SNX30: variants seen among roughly 807,000 people sequenced by gnomAD.
SNX30 encodes sorting nexin family member 30, also known as sorting nexin-30.
Under a neutral mutation model 46.4 loss-of-function variants are expected in SNX30, and 24 were observed. That is an observed-to-expected ratio of 0.52 (90% CI 0.37 to 0.73). The LOEUF (loss-of-function observed/expected upper bound fraction) is 0.73. Ranked by LOEUF, SNX30 falls within the 30% of genes least tolerant of loss-of-function variation. The pLI, the probability that SNX30 is intolerant of heterozygous loss-of-function variation, is 0.00. For missense variants in SNX30, 533 were observed against 555.7 expected (o/e 0.96, Z 0.41); for synonymous variants, 189 against 211.5 (o/e 0.89, Z 0.92).
chr9:112,867,474 C>T (rs115205063), intron 8 of SNX30, among the ~76,000 whole-genome samples: 2,443 of 151,098 alleles, frequency 0.016, 37 homozygotes, highest in East Asian at 0.079. Flanking sequence ...CTCCTCCCAC[C>T]TCAGTATTCC....
chr9:112,779,566 G>C (rs1233387281), intron 1 of SNX30, among the ~76,000 whole-genome samples: 1 of 152,112 alleles, frequency 6.6e-6, no homozygotes, highest in Admixed American at 6.5e-5. Context: ...ATCGTGGGAG[G>C]TGCCTGTAGT....
At chr9:112,876,375 G>A (rs190783116), downstream of SNX30, among the ~76,000 whole-genome samples, 6 of 152,184 alleles carry the variant, frequency 3.9e-5, no homozygotes, top group African/African-American at 1.4e-4. Flanking sequence ...AGCACTTTGG[G>A]AGGCCACAGC....
At chr9:112,757,427 A>G (rs1183268120) in intron 1 of SNX30, among the ~76,000 whole-genome samples, 2 of 152,190 alleles carry the variant, frequency 1.3e-5, no homozygotes, top group Non-Finnish European at 2.9e-5. Flanking sequence ...TTGTTTCTAT[A>G]TCTTGGCTAT....
At chr9:112,783,208 G>A (rs1436167856) in intron 1 of SNX30, among the ~76,000 whole-genome samples, 1 of 152,244 alleles carries the variant, frequency 6.6e-6, no homozygotes, top group Non-Finnish European at 1.5e-5. Flanking sequence ...TGGCGCCATG[G>A]AGGCAGACGG....
chr9:112,763,623 G>A (rs988519519), intron 1 of SNX30, among the ~76,000 whole-genome samples: 4 of 151,882 alleles, frequency 2.6e-5, no homozygotes, highest in African/African-American at 7.2e-5. Flanking sequence ...GGCCGAGGAG[G>A]GTGGATCACG....
At chr9:112,785,302 ACCT>A (rs986539944) in intron 1 of SNX30, among the ~76,000 whole-genome samples, 1 of 150,400 alleles carries the variant, frequency 6.6e-6, no homozygotes, top group Non-Finnish European at 1.5e-5. Context: ...TGCAGCCTCG[ACCT>A]CCTGGGCTTA....
intron 7 of SNX30, among the ~76,000 whole-genome samples, chr9:112,859,465 G>A (rs1841193041): frequency 6.6e-6 from 1 of 152,116 alleles, no homozygotes; most frequent in Non-Finnish European, 1.5e-5. Context: ...CTTTGGATAT[G>A]TACTCAGAAG....
At position 112,765,749 on chromosome 9, in the gene SNX30, A is replaced by T. The variant is rs573145441; in HGVS notation, c.156+14592A>T. Among the ~76,000 whole-genome samples, 80 of 152,334 alleles carry T rather than the reference A, an allele frequency of 5.3e-4. 1 individual carries two copies. The highest frequency in any genetic ancestry group is 2.5e-3 in the Admixed American group (39 of 15,310). On this transcript the variant is annotated intron_variant, in intron 1 of 8. Coordinates refer to ENST00000374232, the MANE Select transcript of SNX30 (RefSeq NM_001012994.2). The stretch of plus-strand genomic sequence containing the variant: ...TGATTACCACAATTAAGCTAGCTAA[A>T]CATATCCATCACCTCACATAATTGC...
intron 2 of SNX30, among the ~76,000 whole-genome samples, chr9:112,806,636 C>T (rs1397668856): frequency 1.3e-5 from 2 of 152,090 alleles, no homozygotes; most frequent in African/African-American, 4.8e-5. Flanking sequence ...TTCTTCATCT[C>T]TTATTGGATG....
upstream of SNX30, among the ~76,000 whole-genome samples, chr9:112,749,767 T>C (rs937009671): frequency 3.3e-5 from 5 of 152,236 alleles, no homozygotes; most frequent in African/African-American, 1.2e-4. Context: ...AGAGTCAACA[T>C]CTGTCATCAC....
At chr9:112,820,903 A>AT (rs1440201124) in intron 3 of SNX30, among the ~76,000 whole-genome samples, 5 of 152,194 alleles carry the variant, frequency 3.3e-5, no homozygotes, top group Non-Finnish European at 7.3e-5. Flanking sequence ...TAGTTTATGG[A>AT]TAATACCACA....
rs1554757339 is a variant in SNX30 at position 112,865,659 on chromosome 9, A to AATGTG, written c.1254+1260_1254+1261insATGTG. On this transcript the variant is annotated intron_variant, in intron 8 of 8. Coordinates refer to ENST00000374232, the MANE Select transcript of SNX30 (RefSeq NM_001012994.2). ...TATATATATATATATATATATATAT[A>AATGTG]TATGTATGTATGTATGCACACACAC... Among the ~76,000 whole-genome samples the AATGTG allele has an allele frequency of 2.5e-5, 2 of 79,698 alleles. 1 individual carries two copies. Among genetic ancestry groups the AATGTG allele is most frequent in the African/African-American group, 1.1e-4 (2 of 18,896 alleles). 52.3% of individuals were successfully genotyped at this position (79,698 alleles called of 152,430 possible).
downstream of SNX30, chr9:112,877,762 C>G (rs1841534418): frequency 2.0e-5 from 3 of 152,068 alleles, no homozygotes; most frequent in South Asian, 6.2e-4. Context: ...CTCTCTCACC[C>G]AGGCAGGGGT....
intron 1 of SNX30, among the ~76,000 whole-genome samples, chr9:112,789,670 A>G (rs1433335230): frequency 1.3e-5 from 2 of 152,212 alleles, no homozygotes; most frequent in African/African-American, 4.8e-5. Context: ...AATCATAAGA[A>G]TGTCTGGAGA....
At chr9:112,861,728 G>C (rs964285158) in intron 7 of SNX30, among the ~76,000 whole-genome samples, 1 of 152,138 alleles carries the variant, frequency 6.6e-6, no homozygotes, top group African/African-American at 2.4e-5. Flanking sequence ...CAATTCCTGC[G>C]GTGGGTCCTG....
At chr9:112,787,095 T>C (rs916100075) in intron 1 of SNX30, among the ~76,000 whole-genome samples, 9 of 152,186 alleles carry the variant, frequency 5.9e-5, no homozygotes, top group African/African-American at 2.2e-4. Context: ...TGGAAGGCCA[T>C]CTGTACTTTT....
intron 1 of SNX30, among the ~76,000 whole-genome samples, chr9:112,783,216 C>T (rs1301747976): frequency 6.6e-6 from 1 of 152,192 alleles, no homozygotes; most frequent in Non-Finnish European, 1.5e-5. Flanking sequence ...TGGAGGCAGA[C>T]GGTGAAGGGC....
intron 1 of SNX30, among the ~76,000 whole-genome samples, chr9:112,782,175 T>G (rs1318687329): frequency 1.3e-5 from 2 of 151,948 alleles, no homozygotes; most frequent in Non-Finnish European, 2.9e-5. Context: ...CAAGAGATTC[T>G]CCTGCCTCAG....
At chr9:112,864,671 G>A (rs945480904) in intron 8 of SNX30, among the ~76,000 whole-genome samples, 9 of 152,092 alleles carry the variant, frequency 5.9e-5, no homozygotes, top group Admixed American at 4.6e-4. Context: ...GGCACTGGTT[G>A]CTTCCCAGAG....
Sources: gnomAD v4.1 joint callset for allele counts (sites outside exome capture counted in the v4.1 genomes callset) on GRCh38, gnomAD v4.1.1 for gene constraint, MANE v1.5 for transcripts, NCBI Gene and HGNC (gene_info 2026-07-23, HGNC 2026-07-21) for gene names.